CYP4X1: variants seen among roughly 807,000 people sequenced by gnomAD.
CYP4X1 encodes the protein cytochrome P450 4X1.
In CYP4X1, 44 loss-of-function variants were observed where a neutral mutation model predicts 57.9. That is an observed-to-expected ratio of 0.76 (90% CI 0.60 to 0.98). CYP4X1 has a LOEUF of 0.98. CYP4X1 is among the 50% of genes least tolerant of loss of function. CYP4X1 has a pLI of 0.00. For synonymous variants in CYP4X1, 227 were observed against 228.6 expected (o/e 0.99, Z 0.06); for missense variants, 532 against 623.9 (o/e 0.85, Z 1.57).
the CYP4X1 span, among the ~76,000 whole-genome samples, chr1:46,986,742 A>T: frequency 6.6e-6 from 1 of 152,242 alleles, no homozygotes; most frequent in Admixed American, 6.5e-5. Flanking sequence ...ACATTCTTAA[A>T]GAAAAGAATT....
chr1:47,007,346 A>G, the CYP4X1 span, among the ~76,000 whole-genome samples: 1 of 152,236 alleles, frequency 6.6e-6, no homozygotes, highest in Non-Finnish European at 1.5e-5. Flanking sequence ...GCAAACACCA[A>G]CAGACCTGCA....
downstream of CYP4X1, among the ~76,000 whole-genome samples, chr1:47,053,138 A>G (rs1385636490): frequency 6.6e-6 from 1 of 151,972 alleles, no homozygotes; most frequent in African/African-American, 2.4e-5. Context: ...TCATTGTTCA[A>G]TTCCCACCTA....
At chr1:47,009,478 C>T in the CYP4X1 span, among the ~76,000 whole-genome samples, 2 of 152,008 alleles carry the variant, frequency 1.3e-5, no homozygotes, top group Non-Finnish European at 2.9e-5. Context: ...AAAATTGACA[C>T]CCTAACATCA....
chr1:47,051,424 A>G (rs1644359861), downstream of CYP4X1, among the ~76,000 whole-genome samples: 2 of 151,610 alleles, frequency 1.3e-5, no homozygotes, highest in African/African-American at 4.8e-5. Flanking sequence ...TAATGTTGTC[A>G]TCTATGTGGT....
At chr1:47,006,269 T>C in the CYP4X1 span, among the ~76,000 whole-genome samples, 1 of 152,206 alleles carries the variant, frequency 6.6e-6, no homozygotes, top group African/African-American at 2.4e-5. Flanking sequence ...TTCTTATCTA[T>C]AAGTGCCCAC....
intron 8 of CYP4X1, among the ~76,000 whole-genome samples, chr1:47,040,735 C>T (rs1017870328): frequency 1.3e-5 from 2 of 152,010 alleles, no homozygotes; most frequent in African/African-American, 4.8e-5. Flanking sequence ...TATATGTATA[C>T]ACTGTGGAAT....
chr1:47,051,106 CG>C (rs1167747926), downstream of CYP4X1, among the ~76,000 whole-genome samples: 3 of 152,258 alleles, frequency 2.0e-5, no homozygotes, highest in East Asian at 5.8e-4. Flanking sequence ...AAGACATTTA[CG>C]CAGCCAAAAG....
the CYP4X1 span, among the ~76,000 whole-genome samples, chr1:46,987,501 C>A: frequency 6.6e-6 from 1 of 152,258 alleles, no homozygotes; most frequent in African/African-American, 2.4e-5. Flanking sequence ...CAAGGATATT[C>A]AGGACTTGAA....
intron 8 of CYP4X1, among the ~76,000 whole-genome samples, chr1:47,045,088 G>C (rs1644287398): frequency 6.6e-6 from 1 of 152,124 alleles, no homozygotes; most frequent in African/African-American, 2.4e-5. Context: ...GCCTCCCAAA[G>C]TGCTGGGATT....
intron 9 of CYP4X1, 98 bp from the exon 10 acceptor site, chr1:47,048,467 T>C: frequency 7.9e-7 from 1 of 1,269,756 alleles, no homozygotes; most frequent in African/African-American, 1.5e-5. Context: ...TGCCAGGAGC[T>C]AGCTCTTCCC....
chr1:47,036,368 T>TATATATATATATATATATATA (rs1553152512), intron 6 of CYP4X1, among the ~76,000 whole-genome samples, 197 bp downstream of exon 6: 2 of 75,652 alleles, frequency 2.6e-5, no homozygotes, highest in African/African-American at 5.5e-5. Flanking sequence ...TTATCAGAAT[T>TATATATATATATATATATATA]TTTATATATA....
chr1:46,998,461 C>T, the CYP4X1 span, among the ~76,000 whole-genome samples: 37 of 152,184 alleles, frequency 2.4e-4, no homozygotes, highest in African/African-American at 8.4e-4. Flanking sequence ...TTTAAGTTTC[C>T]TATAGATTCT....
the CYP4X1 span, among the ~76,000 whole-genome samples, chr1:46,986,750 A>T: frequency 6.6e-6 from 1 of 152,054 alleles, no homozygotes; most frequent in Non-Finnish European, 1.5e-5. Context: ...AAAGAAAAGA[A>T]TTTCTTTTCT....
chr1:47,036,906 T>A lies in CYP4X1; in HGVS notation c.775+735T>A, dbSNP rs572580549. Among the ~76,000 whole-genome samples, 237 of 152,362 alleles carry A rather than the reference T, an allele frequency of 1.6e-3. 1 individual carries two copies. Among genetic ancestry groups the A allele is most frequent in the Middle Eastern group, 0.01 (3 of 294 alleles). ...AAAGTATAGTTATGTCAAATGTCTT[T>A]GCTTCCAGGAATTTTGCAAGACACA... On this transcript the variant is annotated intron_variant, in intron 6 of 11. Coordinates refer to ENST00000371901, the MANE Select transcript of CYP4X1 (RefSeq NM_178033.2).
chr1:47,000,063 T>C, the CYP4X1 span, among the ~76,000 whole-genome samples: 1 of 152,134 alleles, frequency 6.6e-6, no homozygotes, highest in Non-Finnish European at 1.5e-5. Flanking sequence ...TGAATTGTAA[T>C]CCCCATGTGT....
At chr1:47,011,799 C>CA in the CYP4X1 span, among the ~76,000 whole-genome samples, 1 of 152,184 alleles carries the variant, frequency 6.6e-6, no homozygotes, top group Non-Finnish European at 1.5e-5. Flanking sequence ...CCAAAAGACA[C>CA]ATGAAAAGAT....
At chr1:47,051,673 A>G (rs1416092226), downstream of CYP4X1, among the ~76,000 whole-genome samples, 3 of 151,826 alleles carry the variant, frequency 2.0e-5, no homozygotes, top group Non-Finnish European at 4.4e-5. Context: ...TGAATTCCAG[A>G]TCCTTGGAGA....
chr1:47,003,538 C>T, the CYP4X1 span, among the ~76,000 whole-genome samples: 3 of 152,194 alleles, frequency 2.0e-5, no homozygotes, highest in South Asian at 2.1e-4. Flanking sequence ...GCAGGCTGTA[C>T]AAGCATGATG....
At chr1:46,981,053 A>G in the CYP4X1 span, among the ~76,000 whole-genome samples, 1 of 152,226 alleles carries the variant, frequency 6.6e-6, no homozygotes, top group East Asian at 1.9e-4. Context: ...AGGCAATACC[A>G]TTCAGAACAT....
Sources: allele counts gnomAD v4.1 joint callset (sites outside exome capture counted in the v4.1 genomes callset), GRCh38; gene constraint gnomAD v4.1.1; transcripts MANE v1.5; gene names NCBI Gene and HGNC (gene_info 2026-07-23, HGNC 2026-07-21).